PDZD2: variants seen among roughly 807,000 people sequenced by gnomAD.
The protein encoded by PDZD2 is PDZ domain-containing protein 2.
PDZD2 carries 90 observed loss-of-function variants against 220.7 expected under a neutral mutation model. The observed-to-expected ratio is 0.41, with a 90% confidence interval of 0.34 to 0.49. The LOEUF (loss-of-function observed/expected upper bound fraction) is 0.49. PDZD2 is among the 20% of genes least tolerant of loss of function. The pLI, the probability that PDZD2 is intolerant of heterozygous loss-of-function variation, is 0.28. For missense variants in PDZD2, 3,174 were observed against 3,608.5 expected, an observed-to-expected ratio of 0.88 and a Z score of 3.08; for synonymous variants, 1,375 against 1,450.5, an observed-to-expected ratio of 0.95 and a Z score of 1.18.
At chr5:32,096,924 C>A (rs1019314895) in intron 21 of PDZD2, among the ~76,000 whole-genome samples, 2 of 145,874 alleles carry the variant, frequency 1.4e-5, no homozygotes, top group Non-Finnish European at 1.5e-5. Flanking sequence ...CAGCCGTGAC[C>A]TTCCGGGCTT....
intron 2 of PDZD2, among the ~76,000 whole-genome samples, chr5:31,949,059 C>T (rs1746930006): frequency 7.2e-6 from 1 of 138,266 alleles, no homozygotes; most frequent in African/African-American, 2.7e-5. Flanking sequence ...GATGGAGCCA[C>T]TGCCCTTCTG....
intron 11 of PDZD2, 58 bp downstream of exon 11, chr5:32,057,786 G>A: frequency 1.4e-6 from 2 of 1,437,586 alleles, no homozygotes; most frequent in South Asian, 1.2e-5. Flanking sequence ...TTTCCTTCTG[G>A]CTTGGGTTTG....
chr5:31,766,015 C>CAA lies in PDZD2; in HGVS notation c.-360-32869_-360-32868dup, dbSNP rs201729861. On this transcript the variant is annotated intron_variant, in intron 1 of 24. Transcript: ENST00000438447. ...GCAACATGGCAAAACCCTATCTCTA[C>CAA]AAAAAATTACAAAAATTAGCTGGGC... is the stretch of plus-strand genomic sequence containing the variant. 3.9e-3 allele frequency among the ~76,000 whole-genome samples: 592 copies of CAA among 151,816 alleles called. 4 individuals carry two copies. Among genetic ancestry groups the CAA allele is most frequent in the Middle Eastern group, 0.01 (3 of 294 alleles).
At chr5:31,991,747 G>A (rs1368025067) in intron 3 of PDZD2, among the ~76,000 whole-genome samples, 1 of 152,158 alleles carries the variant, frequency 6.6e-6, no homozygotes, top group East Asian at 1.9e-4. Context: ...GACAATTGTG[G>A]GCCCGGCACG....
intron 7 of PDZD2, among the ~76,000 whole-genome samples, chr5:32,037,610 G>A (rs557293169): frequency 2.0e-5 from 3 of 152,204 alleles, no homozygotes; most frequent in East Asian, 3.9e-4. Context: ...TGTTTGGTTC[G>A]TTTACTTCGA....
chr5:31,763,482 G>A (rs1209059918), intron 1 of PDZD2, among the ~76,000 whole-genome samples: 1 of 152,094 alleles, frequency 6.6e-6, no homozygotes, highest in Non-Finnish European at 1.5e-5. Flanking sequence ...TGATGTTTAC[G>A]AGCCACAATG....
At chr5:31,709,849 G>T (rs760238767) in intron 1 of PDZD2, among the ~76,000 whole-genome samples, 1 of 152,076 alleles carries the variant, frequency 6.6e-6, no homozygotes, top group Non-Finnish European at 1.5e-5. Flanking sequence ...CCAGCTACTC[G>T]GGAGGCTGAG....
At chr5:31,643,591 G>T (rs1280839811) in intron 1 of PDZD2, among the ~76,000 whole-genome samples, 1 of 152,176 alleles carries the variant, frequency 6.6e-6, no homozygotes, top group Non-Finnish European at 1.5e-5. Flanking sequence ...ACAGTTGCTT[G>T]ATCTGGGGAA....
intron 2 of PDZD2, among the ~76,000 whole-genome samples, chr5:31,821,878 T>C (rs1755890136): frequency 6.7e-6 from 1 of 150,314 alleles, no homozygotes; most frequent in African/African-American, 2.5e-5. Flanking sequence ...CAGTGTGTGA[T>C]GTTCTCCTCC....
At position 31,983,585 on chromosome 5, in the gene PDZD2, A is replaced by C. The variant is rs1750477654; in HGVS notation, c.907A>C (p.Thr303Pro). 6.2e-7 allele frequency: 1 copy of C among 1,614,084 alleles called. No individual in the cohort carries two copies. The highest frequency in any genetic ancestry group is 8.5e-7 in the Non-Finnish European group (1 of 1,180,020). ...TCCAAAGACAGATGCTCCTCTGACC[A>C]CAAGCAATGACAAACGCCGCTTCTC... is the stretch of plus-strand genomic sequence containing the variant. ...RIPKTDAPLT[T>P]SNDKRRFSKG... Residue 303 changes from threonine (T) to proline (P), a missense_variant, in exon 3 of 25, where the codon ACA (threonine) becomes CCA (proline). Thr to Pro is a conservative substitution (Grantham distance 38). This residue lies in a region of PDZD2 where 632 missense variants were observed against 708.1 expected (regional missense o/e 0.89). Transcript: ENST00000438447.
chr5:31,838,327 G>T (rs1244873122), intron 2 of PDZD2, among the ~76,000 whole-genome samples: 1 of 152,142 alleles, frequency 6.6e-6, no homozygotes, highest in African/African-American at 2.4e-5. Context: ...CAAAGTGCTG[G>T]GATTACAGGC....
chr5:31,941,172 C>T (rs1001407022), intron 2 of PDZD2, among the ~76,000 whole-genome samples: 3 of 152,130 alleles, frequency 2.0e-5, no homozygotes, highest in Non-Finnish European at 4.4e-5. Flanking sequence ...CATTTCTGAC[C>T]CTTTGGCAAA....
chr5:31,757,605 AG>A (rs1455980958), intron 1 of PDZD2, among the ~76,000 whole-genome samples: 1 of 151,954 alleles, frequency 6.6e-6, no homozygotes, highest in Non-Finnish European at 1.5e-5. Context: ...AAAAAAAAAA[AG>A]AATATGTGAA....
intron 2 of PDZD2, among the ~76,000 whole-genome samples, chr5:31,876,814 A>G (rs1739347596): frequency 6.6e-6 from 1 of 152,252 alleles, no homozygotes; most frequent in African/African-American, 2.4e-5. Context: ...GCCAAGCGAC[A>G]TAAAGATGAA....
At chr5:31,832,490 G>GA (rs1337232866) in intron 2 of PDZD2, 1 of 152,036 alleles carries the variant, frequency 6.6e-6, no homozygotes, top group African/African-American at 2.4e-5. Context: ...CAGAGAAGAT[G>GA]AACATGGCTC....
intron 2 of PDZD2, among the ~76,000 whole-genome samples, chr5:31,834,082 G>T (rs1011326420): frequency 8.5e-5 from 13 of 152,238 alleles, no homozygotes; most frequent in African/African-American, 3.1e-4. Context: ...CTTGGATGAT[G>T]AATTCTGTTT....
chr5:32,000,291 T>C lies in PDZD2; in HGVS notation c.1254+20T>C, dbSNP rs115911339. 64,622 of 1,613,776 alleles carry C rather than the reference T, an allele frequency of 0.04. 1,510 individuals are homozygous for C. The highest frequency in any genetic ancestry group is 0.067 in the Middle Eastern group (408 of 6,058). ...AGCAAGGTAGGTCGTGTTTGTTTTT[T>C]GGTACTCGTAATGGTGGCAGTGGTG... On this transcript the variant is annotated intron_variant, in intron 5 of 24. Coordinates refer to ENST00000438447, the MANE Select transcript of PDZD2 (RefSeq NM_178140.4). This position sits in a 1 kb window ranked among gnomAD's most constrained non-coding sequence, Gnocchi z 4.5.
intron 2 of PDZD2, among the ~76,000 whole-genome samples, chr5:31,981,987 C>A (rs1460312014): frequency 6.6e-6 from 1 of 152,202 alleles, no homozygotes; most frequent in South Asian, 2.1e-4. Context: ...CTTTGTATTA[C>A]TTCCTGCTTC....
At chr5:31,957,462 C>T (rs767445943) in intron 2 of PDZD2, among the ~76,000 whole-genome samples, 1 of 152,112 alleles carries the variant, frequency 6.6e-6, no homozygotes, top group Non-Finnish European at 1.5e-5. Flanking sequence ...ACACGCATTA[C>T]CGAAAATCAG....
Sources: gnomAD v4.1 joint callset for allele counts (sites outside exome capture counted in the v4.1 genomes callset) on GRCh38, gnomAD v4.1.1 for gene constraint, gnomAD v4.1.1 regional missense constraint, Gnocchi (gnomAD v3.1) non-coding constraint, MANE v1.5 for transcripts, NCBI Gene and HGNC (gene_info 2026-07-23, HGNC 2026-07-21) for gene names.